Variants in LETMD1 observed in about 807,000 individuals in gnomAD.
LETMD1 encodes the protein LETM1 domain-containing protein 1.
A neutral mutation model predicts 43.9 loss-of-function variants in LETMD1; 30 were observed. The ratio of observed to expected loss-of-function variants is 0.68; its 90% CI spans 0.51 to 0.93. The LOEUF is 0.93. Ranked by LOEUF, LETMD1 falls within the 40% of genes least tolerant of loss-of-function variation. LETMD1 has a pLI of 0.00. For missense variants in LETMD1, 413 were observed against 447.7 expected, an observed-to-expected ratio of 0.92 and a Z score of 0.70; for synonymous variants, 176 against 163.1, an observed-to-expected ratio of 1.08 and a Z score of -0.60.
chr12:51,066,640 C>CA, the LETMD1 span, among the ~76,000 whole-genome samples: 131,252 of 145,384 alleles, frequency 0.9, 59,280 homozygotes, highest in East Asian at 0.98. Flanking sequence ...GACTCCGTCT[C>CA]AAAAAAAAAA....
chr12:51,053,721 C>G, intron 3 of LETMD1, 57 bp from the exon 4 acceptor site: 1 of 1,156,960 alleles, frequency 8.6e-7, no homozygotes, highest in Non-Finnish European at 1.3e-6. Context: ...GATGGATTGT[C>G]TATTGTATTA....
chr12:51,055,793 G>A lies in LETMD1; in HGVS notation c.474-42G>A, dbSNP rs1001995816. 2.0e-6 allele frequency: 3 copies of A among 1,464,210 alleles called. No individual in the cohort carries two copies. The African/African-American group carries it at 4.2e-5, about 21-fold the overall frequency. 90.7% of individuals were successfully genotyped at this position (1,464,210 alleles called of 1,614,324 possible). A position where few individuals can be genotyped will look rare whatever the true frequency, so the allele number is the denominator to read the frequency against. ...CTTTCTTTGGCTTCCTCTGAAAGAAGCCAGTTTCAGCAAGTGAGTTTGTGA... is the reference window on the plus strand; with the variant it reads ...CTTTCTTTGGCTTCCTCTGAAAGAAACCAGTTTCAGCAAGTGAGTTTGTGA... On this transcript the variant is annotated intron_variant, in intron 4 of 8. Coordinates refer to ENST00000262055, the MANE Select transcript of LETMD1 (RefSeq NM_015416.5).
At chr12:51,065,147 C>CTACTTCAAA (rs1938021885), downstream of LETMD1, among the ~76,000 whole-genome samples, 1 of 152,080 alleles carries the variant, frequency 6.6e-6, no homozygotes, top group East Asian at 1.9e-4. Flanking sequence ...GAAGATCTTG[C>CTACTTCAAA]TACTTCAAAA....
downstream of LETMD1, among the ~76,000 whole-genome samples, chr12:51,060,631 G>C (rs537179897): frequency 2.0e-5 from 3 of 152,148 alleles, no homozygotes; most frequent in Non-Finnish European, 2.9e-5. Flanking sequence ...GGCCGGGCGC[G>C]GCGGCTCACG....
At chr12:51,058,658 G>A (rs1948420645) in intron 8 of LETMD1, 1 of 158,938 alleles carries the variant, frequency 6.3e-6, no homozygotes, top group Non-Finnish European at 1.4e-5. Context: ...CCGACCTCAG[G>A]TGATCCGCTG....
chr12:51,059,609 A>T lies in LETMD1; in HGVS notation c.*178A>T. The T allele has an allele frequency of 1.6e-6, 1 of 627,942 alleles. No individual in the cohort carries two copies. Among genetic ancestry groups the T allele is most frequent in the East Asian group, 2.9e-5 (1 of 35,026 alleles). 38.9% of individuals were successfully genotyped at this position (627,942 alleles called of 1,614,324 possible). A position where few individuals can be genotyped will look rare whatever the true frequency, so the allele number is the denominator to read the frequency against. ...TGTGGGAACTGCAGACATTCCTCTC[A>T]CAGCTAGAACTGAAACAAACCCTCT... is the stretch of plus-strand genomic sequence containing the variant. On this transcript the variant is annotated 3_prime_UTR_variant, in exon 9 of 9. Coordinates refer to ENST00000262055, the MANE Select transcript of LETMD1 (RefSeq NM_015416.5).
chr12:51,066,266 T>C, the LETMD1 span, among the ~76,000 whole-genome samples: 5 of 151,602 alleles, frequency 3.3e-5, no homozygotes, highest in South Asian at 1.0e-3. Context: ...CATCCTGGCC[T>C]ACATGGTGAA....
At chr12:51,057,204 C>T (rs1300240020) in intron 7 of LETMD1, among the ~76,000 whole-genome samples, 1 of 152,096 alleles carries the variant, frequency 6.6e-6, no homozygotes, top group Non-Finnish European at 1.5e-5. Flanking sequence ...CCACTGCACT[C>T]CAGCCTGGGT....
At chr12:51,067,802 G>A in the LETMD1 span, 21 of 1,614,116 alleles carry the variant, frequency 1.3e-5, no homozygotes, top group African/African-American at 4.0e-5. This position sits in a 1 kb window ranked among gnomAD's most constrained non-coding sequence, Gnocchi z 4.1. Context: ...CATCAATACG[G>A]TGGACCCCAG....
At position 51,056,676 on chromosome 12, in the gene LETMD1, A is replaced by T. The variant is rs1026340931; in HGVS notation, c.915+174A>T. On this transcript the variant is annotated intron_variant, in intron 7 of 8. Transcript: ENST00000262055. ...TTTTTATTTATTTATTTATTTTGAGACAGAGTCTCATTCTGTTGCCCAGGC... is the reference window on the plus strand; with the variant it reads ...TTTTTATTTATTTATTTATTTTGAGTCAGAGTCTCATTCTGTTGCCCAGGC... 64 of 543,678 alleles carry T rather than the reference A, an allele frequency of 1.2e-4. No individual in the cohort carries two copies. In the South Asian group the frequency reaches 1.3e-3, roughly 11 times the overall value. 33.7% of individuals were successfully genotyped at this position (543,678 alleles called of 1,614,324 possible).
At chr12:51,066,141 G>A in the LETMD1 span, among the ~76,000 whole-genome samples, 83 of 151,976 alleles carry the variant, frequency 5.5e-4, no homozygotes, top group African/African-American at 2.0e-3. Flanking sequence ...CCAACATGAT[G>A]AAACCCTGTC....
In LETMD1 at chr12:51,058,059, A is replaced by G. The variant is rs1046959345; in HGVS notation, c.943A>G (p.Thr315Ala). ...TTGTTATCTCCGTGGCCTGAATTCT[A>G]CGCATATTGGTGAAGATAGGTGTCG... is the stretch of plus-strand genomic sequence containing the variant. ...SACYLRGLNS[T>A]HIGEDRCRTW... Residue 315 changes from threonine to alanine, a missense_variant, in exon 8 of 9, where the codon ACG becomes GCG. Physicochemically the swap from Thr to Ala is moderately conservative, Grantham distance 58 (BLOSUM62 0). Transcript: ENST00000262055. The G allele has an allele frequency of 6.2e-7, 1 of 1,613,450 alleles. No individual in the cohort carries two copies. The highest frequency in any genetic ancestry group is 8.5e-7 in the Non-Finnish European group (1 of 1,179,376).
chr12:51,048,954 C>G (rs771967261), intron 1 of LETMD1, 80 bp from the exon 2 acceptor site: 16 of 1,332,508 alleles, frequency 1.2e-5, no homozygotes, highest in Non-Finnish European at 1.7e-5. Context: ...CTCCGAGACT[C>G]CTGCTTTACA....
intron 3 of LETMD1, 44 bp from the exon 4 acceptor site, chr12:51,053,734 A>G (rs1427128528): frequency 7.3e-7 from 1 of 1,361,202 alleles, no homozygotes. Flanking sequence ...TTGTATTAAC[A>G]ACTTATTTGG....
In LETMD1 at chr12:51,048,470, G is replaced by T; in HGVS notation, c.114G>T (p.Gly38=). 1 of 1,613,608 alleles carries T rather than the reference G, an allele frequency of 6.2e-7. No homozygotes were observed. The change falls in exon 1 of 9, where the codon GGG becomes GGT. Residue 38 remains glycine, a synonymous_variant. Coordinates refer to ENST00000262055, the MANE Select transcript of LETMD1 (RefSeq NM_015416.5). ...LQLGRSGLAW[G]APRSSKLHLS... is the part of the protein sequence containing the mutation. ...TTGGTCGCTCTGGCCTGGCTTGGGG[G>T]GCCCCTCGGTGAGGGACCTGTAGCG...
At chr12:51,056,074 G>A (rs552748022) in intron 5 of LETMD1, 53 bp downstream of exon 5, 19 of 1,607,596 alleles carry the variant, frequency 1.2e-5, no homozygotes, top group Non-Finnish European at 1.5e-5. Flanking sequence ...TAGATTCAGT[G>A]TGCACTAAAC....
intron 8 of LETMD1, chr12:51,058,614 G>A (rs961825506): frequency 6.3e-6 from 1 of 159,946 alleles, no homozygotes; most frequent in African/African-American, 2.4e-5. Flanking sequence ...TAGAGACCAG[G>A]TTTCTCCATG....
chr12:51,067,820 C>G, the LETMD1 span: 1 of 1,614,236 alleles, frequency 6.2e-7, no homozygotes, highest in Non-Finnish European at 8.5e-7. This position sits in a 1 kb window ranked among gnomAD's most constrained non-coding sequence, Gnocchi z 4.1. Context: ...CAGAAGCCCT[C>G]AGCAGGGCCC....
chr12:51,066,036 G>C, the LETMD1 span, among the ~76,000 whole-genome samples: 1 of 152,138 alleles, frequency 6.6e-6, no homozygotes. Context: ...GGGCCAACAA[G>C]GGGCCAGGCA....
Sources: gnomAD v4.1 joint callset for allele counts (sites outside exome capture counted in the v4.1 genomes callset) on GRCh38, gnomAD v4.1.1 for gene constraint, Gnocchi (gnomAD v3.1) non-coding constraint, MANE v1.5 for transcripts, NCBI Gene and HGNC (gene_info 2026-07-23, HGNC 2026-07-21) for gene names.